PLK2: variants seen among roughly 807,000 people sequenced by gnomAD.
The protein encoded by PLK2 is polo like kinase 2.
Under a neutral mutation model 78.1 loss-of-function variants are expected in PLK2, and 25 were observed. That is an observed-to-expected ratio of 0.32 (90% CI 0.23 to 0.45). PLK2 has a LOEUF of 0.45. Among genes scored for constraint, PLK2 ranks in the 20% least tolerant of loss-of-function variants. The pLI is 1.00. For synonymous variants in PLK2, 332 were observed against 298.2 expected (o/e 1.11, Z -1.17); for missense variants, 566 against 840.2 (o/e 0.67, Z 4.04).
intron 9 of PLK2, 25 bp from the exon 10 acceptor site, chr5:58,456,180 A>G: frequency 1.2e-6 from 2 of 1,601,540 alleles, no homozygotes; most frequent in Non-Finnish European, 1.7e-6. Flanking sequence ...GATTTATGCA[A>G]TGAGTCAAGC....
In PLK2 at chr5:58,458,782, G is replaced by A. The variant is rs770316647; in HGVS notation, c.438C>T (p.Tyr146=). Residue 146 remains tyrosine (Y), a synonymous_variant, in exon 3 of 14, where the codon TAC becomes TAT. Transcript: ENST00000274289. ...ILHHKHVVQF[Y]HYFEDKENIY... is the part of the protein sequence containing the mutation. ...TGTTTTCTTTGTCCTCGAAGTAGTG[G>A]TAAAACTGCACTACATGCTTATGAT... The A allele has an allele frequency of 6.2e-7, 1 of 1,605,258 alleles. No homozygotes were observed. The highest frequency in any genetic ancestry group is 8.5e-7 in the Non-Finnish European group (1 of 1,171,982).
At position 58,457,213 on chromosome 5, in the gene PLK2, C is replaced by A. The variant is rs1476414912; in HGVS notation, c.976G>T (p.Asp326Tyr). The A allele has an allele frequency of 6.2e-7, 1 of 1,614,020 alleles. No homozygotes were observed. Among genetic ancestry groups the A allele is most frequent in the Non-Finnish European group, 8.5e-7 (1 of 1,180,030 alleles). The change falls in exon 7 of 14, where the codon GAT becomes TAT. Residue 326 changes from aspartate (D) to tyrosine (Y), a missense_variant. Asp to Tyr is a radical substitution (Grantham distance 160). This residue lies in a region of PLK2 where 179 missense variants were observed against 342.3 expected (regional missense o/e 0.52). Coordinates refer to ENST00000274289, the MANE Select transcript of PLK2 (RefSeq NM_006622.4). ...AAAAAGTCATGTCGAATGATGTCAT[C>A]CAAACTGGGACGATCCTCTGGGTTT... ...SKNPEDRPSL[D>Y]DIIRHDFFLQ...
intron 9 of PLK2, 146 bp from the exon 10 acceptor site, chr5:58,456,301 A>G: frequency 1.2e-6 from 1 of 836,096 alleles, no homozygotes; most frequent in Admixed American, 2.8e-5. Flanking sequence ...ATAACGCAGT[A>G]AACTCACTTG....
intron 1 of PLK2, 135 bp from the exon 2 acceptor site, chr5:58,459,227 G>A (rs1295705527): frequency 1.6e-6 from 1 of 625,232 alleles, no homozygotes; most frequent in Admixed American, 2.8e-5. Flanking sequence ...GTGGACAGAG[G>A]GAGGCATTCG....
At chr5:58,458,559 T>G (rs1215991656) in intron 3 of PLK2, 31 bp from the exon 4 acceptor site, 2 of 1,592,120 alleles carry the variant, frequency 1.3e-6, no homozygotes, top group Non-Finnish European at 1.7e-6. Context: ...AAAGAGAATC[T>G]GTCAAAACAG....
At chr5:58,459,419 T>A (rs1210928100) in intron 1 of PLK2, 1 of 561,448 alleles carries the variant, frequency 1.8e-6, no homozygotes, top group Non-Finnish European at 3.1e-6. Flanking sequence ...GGGAGAGAGG[T>A]CTGATGTAGA....
chr5:58,456,908 T>C, intron 8 of PLK2, 37 bp downstream of exon 8: 1 of 1,355,242 alleles, frequency 7.4e-7, no homozygotes, highest in South Asian at 1.4e-5. Flanking sequence ...AATATAATAT[T>C]GGGTACGAAA....
At chr5:58,457,136 TG>T (rs1263979875) in intron 7 of PLK2, 44 bp from the exon 8 acceptor site, 1 of 1,610,990 alleles carries the variant, frequency 6.2e-7, no homozygotes, top group African/African-American at 1.3e-5. Context: ...GTCAGGTAAC[TG>T]GGATCAATAC....
In PLK2 at chr5:58,459,795, G is replaced by C. The variant is rs778281135; in HGVS notation, c.165C>G (p.Ala55=). ...GCGAATGGTGGTGATGGTGGTGAGG[G>C]GCCGCCGGGGGCACTTGCGCCTGGG... ...PQSQAQVPPA[A]PHHHHHHSHS... Residue 55 remains alanine, a synonymous_variant, in exon 1 of 14, where the codon GCC becomes GCG. Coordinates refer to ENST00000274289, the MANE Select transcript of PLK2 (RefSeq NM_006622.4). 1.2e-6 allele frequency: 2 copies of C among 1,608,278 alleles called. No homozygotes were observed. Among genetic ancestry groups the C allele is most frequent in the Admixed American group, 3.3e-5 (2 of 60,014 alleles).
chr5:58,455,294 GTTC>G lies in PLK2; in HGVS notation c.1743_1745del (p.Glu581_Asn582delinsAsp), dbSNP rs754124825. 6.2e-7 allele frequency: 1 copy of G among 1,613,964 alleles called. No homozygotes were observed. Among genetic ancestry groups the G allele is most frequent in the Non-Finnish European group, 8.5e-7 (1 of 1,179,908 alleles). ...AAGCCACAGTACTTACATCCATGAG[GTTC>G]TCCTCCATGTAATGAGAAAAGTATT... On this transcript the variant is annotated inframe_deletion, in exon 12 of 14. Transcript: ENST00000274289.
In PLK2 at chr5:58,457,539, T is replaced by C. The variant is rs1402957031; in HGVS notation, c.758A>G (p.Asn253Ser). ...TPNYLSPEVL[N>S]KQGHGCESDI... is the part of the protein sequence containing the mutation. ...TGATTCACAGCCATGTCCTTGTTTGTTGAGGACTTCAGGAGAGAGATAATT... is the reference window on the plus strand; with the variant it reads ...TGATTCACAGCCATGTCCTTGTTTGCTGAGGACTTCAGGAGAGAGATAATT... The change falls in exon 6 of 14, where the codon AAC (asparagine) becomes AGC (serine). Residue 253 changes from asparagine to serine, a missense_variant. Physicochemically the swap from Asn to Ser is conservative, Grantham distance 46. This residue lies in a region of PLK2 where 179 missense variants were observed against 342.3 expected (regional missense o/e 0.52). Coordinates refer to ENST00000274289, the MANE Select transcript of PLK2 (RefSeq NM_006622.4). The C allele has an allele frequency of 1.2e-6, 2 of 1,613,338 alleles. No individual in the cohort carries two copies. Among genetic ancestry groups the C allele is most frequent in the East Asian group, 2.2e-5 (1 of 44,878 alleles).
rs1046110615 is a variant in PLK2, at chr5:58,454,472, C to T, written c.*111G>A. On this transcript the variant is annotated 3_prime_UTR_variant, in exon 14 of 14. Coordinates refer to ENST00000274289, the MANE Select transcript of PLK2 (RefSeq NM_006622.4). ...CAGCAGGCCACAGGGGAATTGTTTT[C>T]GTACCACCACATGTCCATCTTCTTC... is the stretch of plus-strand genomic sequence containing the variant. 2.2e-5 allele frequency: 17 copies of T among 770,576 alleles called. No homozygotes were observed. The highest frequency in any genetic ancestry group is 1.6e-4 in the African/African-American group (9 of 56,938). 47.7% of individuals were successfully genotyped at this position (770,576 alleles called of 1,614,324 possible). A position where few individuals can be genotyped will look rare whatever the true frequency, so the allele number is the denominator to read the frequency against.
intron 5 of PLK2, 52 bp downstream of exon 5, chr5:58,458,032 G>T: frequency 1.0e-6 from 1 of 979,486 alleles, no homozygotes; most frequent in Non-Finnish European, 1.6e-6. Flanking sequence ...AATAATGAAG[G>T]CATATTTGGT....
chr5:58,456,353 T>C, intron 9 of PLK2, 139 bp downstream of exon 9: 1 of 785,128 alleles, frequency 1.3e-6, no homozygotes, highest in South Asian at 1.8e-5. Flanking sequence ...AGTTTTAACT[T>C]CCCTTTCAAA....
intron 1 of PLK2, chr5:58,459,480 C>T: frequency 1.7e-6 from 1 of 580,940 alleles, no homozygotes. Context: ...GCGGGAGACA[C>T]ACAGTTCTGA....
Position 58,454,405 on chromosome 5 carries a change from T to G in PLK2, c.*178A>C. 1.9e-6 allele frequency: 1 copy of G among 530,296 alleles called. No homozygotes were observed. Among genetic ancestry groups the G allele is most frequent in the East Asian group, 2.8e-5 (1 of 35,114 alleles). The allele number at this position is 530,296 out of a possible 1,614,324, so 32.8% of individuals were successfully genotyped here. ...TGGTTCACTCTTGGATTGTCCAAAG[T>G]CAAGAACTGTATGCCTTAGCCTGTT... On this transcript the variant is annotated 3_prime_UTR_variant, in exon 14 of 14. Transcript: ENST00000274289.
In PLK2 at chr5:58,458,074, TG is replaced by T; in HGVS notation, c.713+9del. 19 of 1,589,810 alleles carry T rather than the reference TG, an allele frequency of 1.2e-5. No homozygotes were observed. The highest frequency in any genetic ancestry group is 1.6e-5 in the Non-Finnish European group (18 of 1,157,834). ...AAAAGTCTACTAGGATGCATCTTTC[TG>T]ACTCTTACCTCCTTCTGTGTTCCAA... On this transcript the variant is annotated intron_variant, in intron 5 of 13. Coordinates refer to ENST00000274289, the MANE Select transcript of PLK2 (RefSeq NM_006622.4).
chr5:58,454,606 T>G lies in PLK2; in HGVS notation c.2035A>C (p.Met679Leu). The change falls in exon 14 of 14, where the codon ATG becomes CTG. Residue 679 changes from methionine to leucine, a missense_variant. Around this residue, in one of 5 missense-constraint regions of PLK2, gnomAD observed 130 missense variants for 196.4 expected, o/e 0.66. Transcript: ENST00000274289. ...TTTCAGTTACATCTTTGTAAGAGCA[T>G]GTTCAGGGCATATTCCATTCGATTT... ...LKNRMEYALN[M>L]LLQRCN 3 of 1,612,458 alleles carry G rather than the reference T, an allele frequency of 1.9e-6. No individual in the cohort carries two copies. Among genetic ancestry groups the G allele is most frequent in the Non-Finnish European group, 2.5e-6 (3 of 1,179,236 alleles).
In PLK2 at chr5:58,454,899, G is replaced by A. The variant is rs555430366; in HGVS notation, c.1866+12C>T. On this transcript the variant is annotated intron_variant, in intron 13 of 13. Transcript: ENST00000274289. ...GGACCTAAACGTGCACTTTCCTGAA[G>A]AGTTCATTTACCTGAAAGGTGCCAT... 8.5e-5 allele frequency: 133 copies of A among 1,559,560 alleles called. 2 individuals are homozygous for A. In the South Asian group the frequency reaches 1.4e-3, roughly 16 times the overall value.
Sources: allele counts gnomAD v4.1 joint callset, GRCh38; gene constraint gnomAD v4.1.1; regional missense constraint gnomAD v4.1.1; transcripts MANE v1.5; gene names NCBI Gene and HGNC (gene_info 2026-07-23, HGNC 2026-07-21).